The following RBMS3 variants were observed in gnomAD, a reference collection of about 807,000 sequenced individuals.
The protein encoded by RBMS3 is RNA-binding motif, single-stranded-interacting protein 3.
In RBMS3, 27 loss-of-function variants were observed where a neutral mutation model predicts 66.8. The ratio of observed to expected loss-of-function variants is 0.40; its 90% CI spans 0.30 to 0.56. RBMS3 has a LOEUF of 0.56. Among genes scored for constraint, RBMS3 ranks in the 20% least tolerant of loss-of-function variants. The pLI, the probability that RBMS3 is intolerant of heterozygous loss-of-function variation, is 0.40. For missense variants in RBMS3, 513 were observed against 549.5 expected (o/e 0.93, Z 0.66); for synonymous variants, 188 against 183.0 (o/e 1.03, Z -0.22).
chr3:29,899,130 A>C (rs922997786), intron 9 of RBMS3, among the ~76,000 whole-genome samples: 1 of 151,666 alleles, frequency 6.6e-6, no homozygotes, highest in South Asian at 2.1e-4. Flanking sequence ...TGGCTGACAT[A>C]CTCATTTTTA....
At chr3:29,452,811 G>A (rs946392064) in intron 2 of RBMS3, among the ~76,000 whole-genome samples, 10 of 152,138 alleles carry the variant, frequency 6.6e-5, no homozygotes, top group African/African-American at 2.4e-4. Context: ...CTCAAACCAG[G>A]AATTTTATAA....
At chr3:29,978,709 A>G (rs1298667753) in intron 12 of RBMS3, among the ~76,000 whole-genome samples, 1 of 152,194 alleles carries the variant, frequency 6.6e-6, no homozygotes, top group African/African-American at 2.4e-5. Flanking sequence ...TATATTTCTT[A>G]CTTAAATTAT....
chr3:29,302,313 G>A (rs1051935605), intron 1 of RBMS3, among the ~76,000 whole-genome samples: 2 of 151,926 alleles, frequency 1.3e-5, no homozygotes, highest in African/African-American at 2.4e-5. Context: ...TGCCTGACCT[G>A]TTGAAATTTA....
chr3:29,713,736 T>C (rs1471691611), intron 4 of RBMS3, among the ~76,000 whole-genome samples: 1 of 152,108 alleles, frequency 6.6e-6, no homozygotes, highest in African/African-American at 2.4e-5. Context: ...AGTGGAACCA[T>C]TCTATGGTGA....
At chr3:29,461,118 G>C (rs1264516682) in intron 2 of RBMS3, among the ~76,000 whole-genome samples, 2 of 152,096 alleles carry the variant, frequency 1.3e-5, no homozygotes, top group Non-Finnish European at 2.9e-5. Context: ...TCATTTCCTT[G>C]TTAATGATTT....
At chr3:29,443,639 A>T (rs1029837141) in intron 2 of RBMS3, among the ~76,000 whole-genome samples, 9 of 152,120 alleles carry the variant, frequency 5.9e-5, no homozygotes, top group Non-Finnish European at 1.3e-4. Context: ...GAACGTAAGA[A>T]AGGTTATGTA....
intron 1 of RBMS3, among the ~76,000 whole-genome samples, chr3:29,349,383 A>G (rs2036771758): frequency 6.6e-6 from 1 of 152,102 alleles, no homozygotes; most frequent in South Asian, 2.1e-4. Flanking sequence ...ATACAGCTGC[A>G]CCTTTCTACT....
intron 6 of RBMS3, among the ~76,000 whole-genome samples, chr3:29,801,720 A>G (rs1037757155): frequency 2.0e-5 from 3 of 152,108 alleles, no homozygotes; most frequent in Admixed American, 2.0e-4. Context: ...TTTATGACAC[A>G]CAGTAAAATA....
intron 4 of RBMS3, among the ~76,000 whole-genome samples, chr3:29,675,171 G>A (rs566340799): frequency 2.6e-5 from 4 of 152,238 alleles, no homozygotes; most frequent in Non-Finnish European, 5.9e-5. Flanking sequence ...AACAAGAAAT[G>A]GGGAAAGGAT....
chr3:29,751,488 TAA>T (rs2055179442), intron 5 of RBMS3, among the ~76,000 whole-genome samples: 1 of 152,192 alleles, frequency 6.6e-6, no homozygotes, highest in Non-Finnish European at 1.5e-5. Context: ...AACATATAAA[TAA>T]TTTCTAATTT....
At position 30,003,987 on chromosome 3, in the gene RBMS3, T is replaced by C; in HGVS notation, c.*125T>C. 3 of 811,962 alleles carry C rather than the reference T, an allele frequency of 3.7e-6. No homozygotes were observed. Among genetic ancestry groups the C allele is most frequent in the Non-Finnish European group, 5.3e-6 (3 of 571,248 alleles). 50.3% of individuals were successfully genotyped at this position (811,962 alleles called of 1,614,324 possible). A position where few individuals can be genotyped will look rare whatever the true frequency, so the allele number is the denominator to read the frequency against. On this transcript the variant is annotated 3_prime_UTR_variant, in exon 15 of 15. Coordinates refer to ENST00000383767, the MANE Select transcript of RBMS3 (RefSeq NM_001003793.3). Reference sequence around the variant, plus strand: ...ATTTTTTTGTTGTTGTTGTTGTTTTTTTTTTAGTGTTATACCTTACCCAAT... The same window carrying C: ...ATTTTTTTGTTGTTGTTGTTGTTTTCTTTTTAGTGTTATACCTTACCCAAT...
At chr3:29,899,586 A>G in intron 9 of RBMS3, 119 bp from the exon 10 acceptor site, 1 of 781,710 alleles carries the variant, frequency 1.3e-6, no homozygotes. Context: ...TTTGAGCACG[A>G]ATTAACTGTA....
intron 11 of RBMS3, among the ~76,000 whole-genome samples, chr3:29,936,606 T>G (rs1249231782): frequency 6.6e-6 from 1 of 152,132 alleles, no homozygotes; most frequent in African/African-American, 2.4e-5. Flanking sequence ...GGGCCAGATC[T>G]ATGACTGATA....
chr3:29,936,607 A>G (rs780277120), intron 11 of RBMS3, among the ~76,000 whole-genome samples: 5 of 152,112 alleles, frequency 3.3e-5, no homozygotes, highest in Admixed American at 6.6e-5. Flanking sequence ...GGCCAGATCT[A>G]TGACTGATAC....
chr3:29,499,826 G>A (rs115333290), intron 3 of RBMS3, among the ~76,000 whole-genome samples: 3,184 of 152,188 alleles, frequency 0.021, 60 homozygotes, highest in African/African-American at 0.052. Context: ...CTCAGATCTC[G>A]TCCACAATTC....
chr3:29,343,361 A>C (rs1408206644), intron 1 of RBMS3, among the ~76,000 whole-genome samples: 1 of 152,104 alleles, frequency 6.6e-6, no homozygotes, highest in Non-Finnish European at 1.5e-5. Context: ...AATGTTGAGA[A>C]ATCTACATTA....
chr3:29,652,769 T>G (rs1388166087), intron 4 of RBMS3, among the ~76,000 whole-genome samples: 2 of 152,170 alleles, frequency 1.3e-5, no homozygotes, highest in East Asian at 3.8e-4. Context: ...GAAGGAATCT[T>G]TTTACCAAGC....
intron 14 of RBMS3, chr3:29,991,421 C>T (rs191512410): frequency 2.0e-4 from 135 of 673,504 alleles, no homozygotes; most frequent in Middle Eastern, 4.4e-4. Flanking sequence ...CATCTAGGAA[C>T]AGCTGCTGAT....
chr3:29,497,972 CATTTTTTTTTTTTTTTTTT>C (rs2043818596), intron 3 of RBMS3, among the ~76,000 whole-genome samples: 1 of 42,276 alleles, frequency 2.4e-5, no homozygotes. Flanking sequence ...TAAAAGTATT[CATTTTTTTTTTTTTTTTTT>C]TTTTTTTTTT....
Sources: gnomAD v4.1 joint callset for allele counts (sites outside exome capture counted in the v4.1 genomes callset) on GRCh38, gnomAD v4.1.1 for gene constraint, MANE v1.5 for transcripts, NCBI Gene and HGNC (gene_info 2026-07-23, HGNC 2026-07-21) for gene names.